The following DMXL2 variants were observed in gnomAD, a reference collection of about 807,000 sequenced individuals.
DMXL2 encodes dmX-like protein 2.
A neutral mutation model predicts 331.1 loss-of-function variants in DMXL2; 103 were observed. The ratio of observed to expected loss-of-function variants is 0.31; its 90% CI spans 0.27 to 0.37. The LOEUF (loss-of-function observed/expected upper bound fraction) is 0.37. DMXL2 is among the 10% of genes least tolerant of loss of function. The pLI is 1.00. For missense variants in DMXL2, 3,171 were observed against 3,642.9 expected (o/e 0.87, Z 3.33); for synonymous variants, 1,281 against 1,252.1 (o/e 1.02, Z -0.49).
At chr15:51,521,321 T>A (rs773286317) in intron 13 of DMXL2, among the ~76,000 whole-genome samples, 17 of 151,998 alleles carry the variant, frequency 1.1e-4, no homozygotes, top group Non-Finnish European at 1.8e-4. Flanking sequence ...ATATTACATT[T>A]TTCTTAAGGT....
At position 51,466,268 on chromosome 15, in the gene DMXL2, T is replaced by C. The variant is rs939052036; in HGVS notation, c.7436A>G (p.Asp2479Gly). 4 of 1,555,448 alleles carry C rather than the reference T, an allele frequency of 2.6e-6. No individual in the cohort carries two copies. The highest frequency in any genetic ancestry group is 3.5e-6 in the Non-Finnish European group (4 of 1,152,426). ...TTCTTCATCACTATGAATGCTTTCA[T>C]CAGAATCATATATAACACCACTATC... ...LSDSGVIYDS[D>G]ESIHSDEEDD... is the part of the protein sequence containing the mutation. Residue 2479 changes from aspartate (D) to glycine (G), a missense_variant, in exon 30 of 44, where the codon GAT becomes GGT. Coordinates refer to ENST00000560891, the MANE Select transcript of DMXL2 (RefSeq NM_001378457.1).
intron 41 of DMXL2, among the ~76,000 whole-genome samples, chr15:51,452,611 G>A (rs2039249396): frequency 6.6e-6 from 1 of 152,164 alleles, no homozygotes; most frequent in Non-Finnish European, 1.5e-5. Flanking sequence ...TGGCATGGAG[G>A]TGGTGAAAAG....
At chr15:51,515,851 T>C (rs1432489767) in intron 14 of DMXL2, among the ~76,000 whole-genome samples, 2 of 152,080 alleles carry the variant, frequency 1.3e-5, no homozygotes, top group Non-Finnish European at 2.9e-5. Flanking sequence ...TTAAGTTATC[T>C]ATAGGAAGGA....
rs374283589 is a variant in DMXL2, at chr15:51,499,967, T to A, written c.3257A>T (p.Tyr1086Phe). 3.7e-6 allele frequency: 6 copies of A among 1,613,914 alleles called. No homozygotes were observed. The highest frequency in any genetic ancestry group is 5.1e-6 in the Non-Finnish European group (6 of 1,179,960). The change falls in exon 18 of 44, where the codon TAT (tyrosine) becomes TTT (phenylalanine). Residue 1086 changes from tyrosine to phenylalanine, a missense_variant. This residue lies in a region of DMXL2 where 1,674 missense variants were observed against 1,780.2 expected (regional missense o/e 0.94). Transcript: ENST00000560891. Reference sequence around the variant, plus strand: ...ACCATTATGGTGGATAGGCTGCTTATAAGCCACTGCAAGGCGACCTGTGTA... The same window carrying A: ...ACCATTATGGTGGATAGGCTGCTTAAAAGCCACTGCAAGGCGACCTGTGTA... Reference protein sequence around the residue: ...CSYTGRLAVAYKQPIHHNGFV... With the variant: ...CSYTGRLAVAFKQPIHHNGFV...
intron 25 of DMXL2, among the ~76,000 whole-genome samples, chr15:51,478,950 T>C (rs1176076975): frequency 6.6e-6 from 1 of 152,036 alleles, no homozygotes; most frequent in Non-Finnish European, 1.5e-5. Flanking sequence ...CCTGAAATGC[T>C]ATACTGAATC....
rs1418620021 is a variant in DMXL2 at position 51,448,137 on chromosome 15, CTAACATTCATTTT to C, written c.*834_*846del. ...CAACTATTAACTGGCCACAAGAAGC[CTAACATTCATTTT>C]AATTATGATATGAAATGCTCTATTG... On this transcript the variant is annotated 3_prime_UTR_variant, in exon 44 of 44. Coordinates refer to ENST00000560891, the MANE Select transcript of DMXL2 (RefSeq NM_001378457.1). The C allele has an allele frequency of 5.9e-5, 9 of 152,706 alleles. No homozygotes were observed. Among genetic ancestry groups the C allele is most frequent in the Admixed American group, 5.2e-4 (8 of 15,294 alleles). The allele number at this position is 152,706 out of a possible 1,614,324, so 9.5% of individuals were successfully genotyped here.
intron 16 of DMXL2, among the ~76,000 whole-genome samples, chr15:51,505,181 C>T (rs371594898): frequency 1.3e-5 from 2 of 152,174 alleles, no homozygotes; most frequent in Non-Finnish European, 2.9e-5. Flanking sequence ...TAAATTCAAG[C>T]GTTAAATGTG....
chr15:51,473,111 A>G (rs72729261), intron 28 of DMXL2, among the ~76,000 whole-genome samples: 189 of 152,330 alleles, frequency 1.2e-3, no homozygotes, highest in Non-Finnish European at 2.1e-3. Flanking sequence ...TCAGATATCC[A>G]CATGGTGTGA....
chr15:51,540,299 T>C (rs755149871), intron 9 of DMXL2, among the ~76,000 whole-genome samples: 37 of 152,214 alleles, frequency 2.4e-4, no homozygotes, highest in Admixed American at 8.5e-4. Context: ...ATGAATGGTA[T>C]ATTACATGAT....
intron 38 of DMXL2, 52 bp downstream of exon 38, chr15:51,456,257 A>T: frequency 6.3e-7 from 1 of 1,599,260 alleles, no homozygotes; most frequent in Admixed American, 1.8e-5. Flanking sequence ...TCTATTCTAT[A>T]AATCAACCTC....
intron 13 of DMXL2, among the ~76,000 whole-genome samples, chr15:51,523,697 G>A (rs1168199401): frequency 1.3e-5 from 2 of 152,030 alleles, no homozygotes; most frequent in Non-Finnish European, 2.9e-5. Context: ...GAACACCAAG[G>A]ACTGCCAGGA....
At chr15:51,456,561 G>A (rs2039641084) in intron 37 of DMXL2, among the ~76,000 whole-genome samples, 192 bp from the exon 38 acceptor site, 1 of 152,112 alleles carries the variant, frequency 6.6e-6, no homozygotes, top group Admixed American at 6.5e-5. Flanking sequence ...TCACTTGCTG[G>A]TATAGCCCTG....
chr15:51,580,458 A>C (rs2051332775), intron 1 of DMXL2, among the ~76,000 whole-genome samples: 1 of 152,190 alleles, frequency 6.6e-6, no homozygotes, highest in Non-Finnish European at 1.5e-5. Context: ...AAAGGACTGC[A>C]AGCCTTTTCT....
chr15:51,476,811 GAAACAAA>G, intron 26 of DMXL2, 92 bp from the exon 27 acceptor site: 4 of 1,069,242 alleles, frequency 3.7e-6, no homozygotes, highest in Non-Finnish European at 5.1e-6. Flanking sequence ...CCTATTTTAA[GAAACAAA>G]AATTCTTAAA....
intron 18 of DMXL2, among the ~76,000 whole-genome samples, chr15:51,497,521 A>G (rs1025732767): frequency 6.6e-6 from 1 of 152,228 alleles, no homozygotes; most frequent in Non-Finnish European, 1.5e-5. Flanking sequence ...ATGATAAAGT[A>G]AAGAAAGTGC....
chr15:51,479,706 T>C (rs1019656886), intron 25 of DMXL2, among the ~76,000 whole-genome samples: 1 of 152,246 alleles, frequency 6.6e-6, no homozygotes, highest in Non-Finnish European at 1.5e-5. Context: ...GCAAGAATAC[T>C]GTCAAGAAAA....
At chr15:51,600,859 T>C (rs1034561662) in intron 1 of DMXL2, among the ~76,000 whole-genome samples, 1 of 152,086 alleles carries the variant, frequency 6.6e-6, no homozygotes, top group African/African-American at 2.4e-5. Context: ...AGACAGACTG[T>C]AAACATCCAT....
chr15:51,606,918 G>A (rs1024921098), intron 1 of DMXL2, among the ~76,000 whole-genome samples: 3 of 152,154 alleles, frequency 2.0e-5, no homozygotes, highest in African/African-American at 4.8e-5. Flanking sequence ...CAGCACTTTC[G>A]GAGGCCAAGG....
chr15:51,593,858 T>C (rs1825310567), intron 1 of DMXL2, among the ~76,000 whole-genome samples: 1 of 152,200 alleles, frequency 6.6e-6, no homozygotes, highest in Admixed American at 6.5e-5. Context: ...AGATGTTCTT[T>C]GAAACCAATG....
Sources: allele counts gnomAD v4.1 joint callset (sites outside exome capture counted in the v4.1 genomes callset), GRCh38; gene constraint gnomAD v4.1.1; regional missense constraint gnomAD v4.1.1; transcripts MANE v1.5; gene names NCBI Gene and HGNC (gene_info 2026-07-23, HGNC 2026-07-21).